The following ADCK5 variants were observed in gnomAD, a reference collection of about 807,000 sequenced individuals.
ADCK5 encodes uncharacterized aarF domain-containing protein kinase 5.
In ADCK5, 43 loss-of-function variants were observed where a neutral mutation model predicts 64.9. That is an observed-to-expected ratio of 0.66 (90% CI 0.52 to 0.85). ADCK5 has a LOEUF of 0.85. Among genes scored for constraint, ADCK5 ranks in the 40% least tolerant of loss-of-function variants. ADCK5 has a pLI of 0.00. For missense variants in ADCK5, 760 were observed against 810.5 expected (o/e 0.94, Z 0.76); for synonymous variants, 434 against 342.8 (o/e 1.27, Z -2.94).
rs1819799820 is a variant in ADCK5, at chr8:144,384,081, T to C, written c.266+851T>C. On this transcript the variant is annotated intron_variant, in intron 3 of 14. Transcript: ENST00000308860. This position sits in a 1 kb window ranked among gnomAD's most constrained non-coding sequence, Gnocchi z 5.7. ...TAAATTATTTATTTATTTATTTATTTATTTAGTATTTTTAGTAGAAACGGG... is the reference window on the plus strand; with the variant it reads ...TAAATTATTTATTTATTTATTTATTCATTTAGTATTTTTAGTAGAAACGGG... Among the ~76,000 whole-genome samples, 1 of 151,678 alleles carries C rather than the reference T, an allele frequency of 6.6e-6. No individual in the cohort carries two copies. Among genetic ancestry groups the C allele is most frequent in the Non-Finnish European group, 1.5e-5 (1 of 67,954 alleles).
chr8:144,380,105 T>C (rs1294906491), intron 2 of ADCK5, among the ~76,000 whole-genome samples: 4 of 152,216 alleles, frequency 2.6e-5, no homozygotes, highest in African/African-American at 9.6e-5. Context: ...CAGAAACAGA[T>C]GGGTGCTCAG....
At chr8:144,381,580 T>TGGGC (rs1389049658) in intron 2 of ADCK5, among the ~76,000 whole-genome samples, 4 of 148,048 alleles carry the variant, frequency 2.7e-5, no homozygotes, top group African/African-American at 5.1e-5. Flanking sequence ...CTCAGGATTA[T>TGGGC]GGGCCGGGTG....
rs1353162525 is a variant in ADCK5 at position 144,392,177 on chromosome 8, G to A, written c.1175+7G>A. On this transcript the variant is annotated splice_region_variant and intron_variant, in intron 11 of 14. Coordinates refer to ENST00000308860, the MANE Select transcript of ADCK5 (RefSeq NM_174922.5). ...ACCAGTTCCTGGAGGAGAAGTGAGC[G>A]CGGGTGGGTGGGCGTGGGGCAGGGC... The A allele has an allele frequency of 3.8e-5, 59 of 1,560,196 alleles. No individual in the cohort carries two copies. The highest frequency in any genetic ancestry group is 5.1e-5 in the Non-Finnish European group (59 of 1,156,332).
chr8:144,377,731 T>C (rs1819425832), intron 1 of ADCK5, among the ~76,000 whole-genome samples: 1 of 152,188 alleles, frequency 6.6e-6, no homozygotes, highest in Admixed American at 6.5e-5. Flanking sequence ...TCCCTGTCTG[T>C]GGGGTCTCAG....
intron 2 of ADCK5, among the ~76,000 whole-genome samples, chr8:144,380,227 T>C (rs1303031356): frequency 8.6e-5 from 13 of 151,248 alleles, no homozygotes; most frequent in Non-Finnish European, 1.5e-4. Flanking sequence ...GCACTAAGGA[T>C]TATGGGCCGG....
chr8:144,375,963 C>T (rs1242729589), intron 1 of ADCK5, among the ~76,000 whole-genome samples: 1 of 152,192 alleles, frequency 6.6e-6, no homozygotes. Flanking sequence ...CTGTGTGTCA[C>T]GTGAGAATTG....
chr8:144,379,414 C>T lies in ADCK5; in HGVS notation c.40C>T (p.Leu14=). The change falls in exon 2 of 15, where the codon CTG becomes TTG. Residue 14 remains leucine, a synonymous_variant. Coordinates refer to ENST00000308860, the MANE Select transcript of ADCK5 (RefSeq NM_174922.5). Reference sequence around the variant, plus strand: ...GCAGCTCTGTCATTTCCACTCTGCTCTGCTGCACAGCAGGCAGAAGCCCTG... The same window carrying T: ...GCAGCTCTGTCATTTCCACTCTGCTTTGCTGCACAGCAGGCAGAAGCCCTG... The part of the protein sequence containing the change: ...PVQLCHFHSA[L]LHSRQKPWPS... 6.2e-7 allele frequency: 1 copy of T among 1,610,696 alleles called. No homozygotes were observed. Among genetic ancestry groups the T allele is most frequent in the Non-Finnish European group, 8.5e-7 (1 of 1,178,178 alleles).
intron 3 of ADCK5, among the ~76,000 whole-genome samples, chr8:144,386,358 A>AT (rs1454448019): frequency 3.4e-4 from 50 of 144,984 alleles, no homozygotes; most frequent in African/African-American, 1.1e-3. Flanking sequence ...TATTTAACTT[A>AT]TTTTTTTTTA....
intron 3 of ADCK5, among the ~76,000 whole-genome samples, chr8:144,388,758 G>A (rs1219146904): frequency 6.8e-6 from 1 of 147,766 alleles, no homozygotes. Context: ...GCGAGACTCC[G>A]TCTCCAAAAA....
In ADCK5 at chr8:144,391,881, G is replaced by C. The variant is rs782100032; in HGVS notation, c.1014+15G>C. 5.0e-6 allele frequency: 8 copies of C among 1,598,638 alleles called. No individual in the cohort carries two copies. The highest frequency in any genetic ancestry group is 2.2e-5 in the East Asian group (1 of 44,500). On this transcript the variant is annotated intron_variant, in intron 9 of 14. Transcript: ENST00000308860. ...CAGTGCATGACGTGAGTGCGGGGGG[G>C]CGGGGGCGGGTCAGGGCGGGCTGGT...
Position 144,392,710 on chromosome 8 carries a change from A to G in ADCK5, c.1520+13A>G. On this transcript the variant is annotated intron_variant, in intron 13 of 14. Transcript: ENST00000308860. ...TTATGGCTAAAAGGTCGGTGGCCCG[A>G]GGAGGCGCCCGGGCCGTGGTGGGGC... 6.3e-7 allele frequency: 1 copy of G among 1,591,026 alleles called. No homozygotes were observed. Among genetic ancestry groups the G allele is most frequent in the Non-Finnish European group, 8.6e-7 (1 of 1,168,472 alleles).
At chr8:144,387,688 AGCCACT>A (rs1200079596) in intron 3 of ADCK5, among the ~76,000 whole-genome samples, 8 of 148,100 alleles carry the variant, frequency 5.4e-5, no homozygotes, top group African/African-American at 2.0e-4. Flanking sequence ...TATAGGCATG[AGCCACT>A]GCGCCTGGCC....
intron 2 of ADCK5, among the ~76,000 whole-genome samples, chr8:144,381,290 C>T (rs73717822): frequency 6.3e-5 from 1 of 15,998 alleles, no homozygotes; most frequent in Non-Finnish European, 1.2e-4. Context: ...GTGCTCAGGC[C>T]CCTGCTGCAC....
rs1586585410 is a variant in ADCK5 at position 144,384,587 on chromosome 8, T to C, written c.266+1357T>C. Among the ~76,000 whole-genome samples the C allele has an allele frequency of 6.6e-6, 1 of 152,158 alleles. No individual in the cohort carries two copies. The highest frequency in any genetic ancestry group is 2.4e-5 in the African/African-American group (1 of 41,502). The stretch of plus-strand genomic sequence containing the variant: ...GGGTGGGTGACGACAGAGCCTCGGG[T>C]CCTCTGCCTTTTTCTCGTGACCCTC... On this transcript the variant is annotated intron_variant, in intron 3 of 14. Coordinates refer to ENST00000308860, the MANE Select transcript of ADCK5 (RefSeq NM_174922.5). This position sits in a 1 kb window ranked among gnomAD's most constrained non-coding sequence, Gnocchi z 5.7.
Position 144,393,219 on chromosome 8 carries a change from C to T in ADCK5, c.*145C>T, listed in dbSNP as rs1207446332. On this transcript the variant is annotated 3_prime_UTR_variant, in exon 15 of 15. Coordinates refer to ENST00000308860, the MANE Select transcript of ADCK5 (RefSeq NM_174922.5). Reference sequence around the variant, plus strand: ...CTGGGCCAGGAGGCCGTGTAATGACCACACACTCCTCTCAAGCAAAAAATG... The same window carrying T: ...CTGGGCCAGGAGGCCGTGTAATGACTACACACTCCTCTCAAGCAAAAAATG... The T allele has an allele frequency of 7.3e-7, 1 of 1,376,240 alleles. No individual in the cohort carries two copies. The highest frequency in any genetic ancestry group is 9.7e-7 in the Non-Finnish European group (1 of 1,027,788). The allele number at this position is 1,376,240 out of a possible 1,614,324, so 85.3% of individuals were successfully genotyped here.
Position 144,392,393 on chromosome 8 carries a change from G to A in ADCK5, c.1267+48G>A, listed in dbSNP as rs1297056819. 8 of 1,488,308 alleles carry A rather than the reference G, an allele frequency of 5.4e-6. No individual in the cohort carries two copies. The Admixed American group carries it at 6.2e-5, about 12-fold the overall frequency. The allele number at this position is 1,488,308 out of a possible 1,614,324, so 92.2% of individuals were successfully genotyped here. A position where few individuals can be genotyped will look rare whatever the true frequency, so the allele number is the denominator to read the frequency against. ...GGGGCACCACAGAAGGGAGTCGGGC[G>A]GCGCGGAACCCACTCAGAGCCCCCT... On this transcript the variant is annotated intron_variant, in intron 12 of 14. Transcript: ENST00000308860.
At chr8:144,373,285 G>A (rs1819226627), upstream of ADCK5, 1 of 152,990 alleles carries the variant, frequency 6.5e-6, no homozygotes, top group Non-Finnish European at 1.5e-5. Flanking sequence ...GGTGAGGTCA[G>A]TCTAGTAGCA....
At chr8:144,377,127 A>C (rs140389525) in intron 1 of ADCK5, among the ~76,000 whole-genome samples, 151,524 of 152,376 alleles carry the variant, frequency 0.99, 75,348 homozygotes, top group Middle Eastern at 1. Context: ...AGTCCTTTCC[A>C]CCCAAACCGT....
upstream of ADCK5, chr8:144,373,782 G>C (rs996477940): frequency 3.0e-6 from 1 of 337,552 alleles, no homozygotes; most frequent in African/African-American, 2.1e-5. Flanking sequence ...GATTATCCAC[G>C]TGCTTCTCAC....
Sources: gnomAD v4.1 joint callset for allele counts (sites outside exome capture counted in the v4.1 genomes callset) on GRCh38, gnomAD v4.1.1 for gene constraint, Gnocchi (gnomAD v3.1) non-coding constraint, MANE v1.5 for transcripts, NCBI Gene and HGNC (gene_info 2026-07-23, HGNC 2026-07-21) for gene names.